The following SECISBP2L variants were observed in gnomAD, a reference collection of about 807,000 sequenced individuals.
SECISBP2L encodes SECIS binding protein 2 like.
In SECISBP2L, 43 loss-of-function variants were observed where a neutral mutation model predicts 114.7. That is an observed-to-expected ratio of 0.38 (90% CI 0.29 to 0.48). The LOEUF is 0.48. Ranked by LOEUF, SECISBP2L falls within the 20% of genes least tolerant of loss-of-function variation. The pLI is 0.98. For missense variants in SECISBP2L, 1,136 were observed against 1,301.1 expected (o/e 0.87, Z 1.95); for synonymous variants, 451 against 439.7 (o/e 1.03, Z -0.32).
Position 49,016,628 on chromosome 15 carries a change from G to A in SECISBP2L, c.1493C>T (p.Ala498Val). ...VQLDLGDMLA[A>V]LEKQQQAMKA... is the part of the protein sequence containing the mutation. ...CATTGCTTGCTGTTGTTTTTCCAGAGCAGCTAACATGTCCCCTAAATCTAG... is the reference window on the plus strand; with the variant it reads ...CATTGCTTGCTGTTGTTTTTCCAGAACAGCTAACATGTCCCCTAAATCTAG... Residue 498 changes from alanine (A) to valine (V), a missense_variant, in exon 11 of 18, where the codon GCT (alanine) becomes GTT (valine). Transcript: ENST00000559471. The A allele has an allele frequency of 1.9e-6, 3 of 1,610,392 alleles. No homozygotes were observed. The highest frequency in any genetic ancestry group is 2.2e-5 in the East Asian group (1 of 44,720).
chr15:48,993,732 C>CA (rs1199828142), intron 17 of SECISBP2L, among the ~76,000 whole-genome samples: 2 of 150,686 alleles, frequency 1.3e-5, no homozygotes, highest in Admixed American at 1.3e-4. Flanking sequence ...TTTTGGAGGA[C>CA]AAAAAAAGTA....
In SECISBP2L at chr15:48,989,751, C is replaced by T. The variant is rs1213257440; in HGVS notation, c.*2493G>A. ...TTTTTTATTTCTTGTGATGATGAAC[C>T]AACCCTTACTCTTCCCACTGGATCT... On this transcript the variant is annotated 3_prime_UTR_variant, in exon 18 of 18. Coordinates refer to ENST00000559471, the MANE Select transcript of SECISBP2L (RefSeq NM_001193489.2). The T allele has an allele frequency of 6.6e-6, 1 of 152,088 alleles. No homozygotes were observed. Among genetic ancestry groups the T allele is most frequent in the Admixed American group, 6.5e-5 (1 of 15,268 alleles). 9.4% of individuals were successfully genotyped at this position (152,088 alleles called of 1,614,324 possible). A position where few individuals can be genotyped will look rare whatever the true frequency, so the allele number is the denominator to read the frequency against.
chr15:48,994,963 GT>G, intron 17 of SECISBP2L, among the ~76,000 whole-genome samples: 1 of 150,592 alleles, frequency 6.6e-6, no homozygotes, highest in African/African-American at 2.4e-5. Context: ...CATTTCAACA[GT>G]TTTTTTTTCT....
chr15:49,037,906 G>C (rs1903046650), intron 1 of SECISBP2L, 137 bp from the exon 2 acceptor site: 2 of 542,760 alleles, frequency 3.7e-6, no homozygotes, highest in Admixed American at 7.6e-5. Flanking sequence ...CATCCAAAAG[G>C]AAGAGCAATG....
At position 49,046,405 on chromosome 15, in the gene SECISBP2L, C is replaced by CGACCCCAA; in HGVS notation, c.-107_-106insTTGGGGTC. Reference sequence around the variant, plus strand: ...GTCCAGACTGGGTTCCGGACCTCCGCCCCTATCTGGCTGGCCGCGACACCG... The same window carrying CGACCCCAA: ...GTCCAGACTGGGTTCCGGACCTCCGCGACCCCAACCCTATCTGGCTGGCCGCGACACCG... On this transcript the variant is annotated 5_prime_UTR_variant, in exon 1 of 18. Coordinates refer to ENST00000559471, the MANE Select transcript of SECISBP2L (RefSeq NM_001193489.2). 1 of 1,245,256 alleles carries CGACCCCAA rather than the reference C, an allele frequency of 8.0e-7. No homozygotes were observed. Among genetic ancestry groups the CGACCCCAA allele is most frequent in the Non-Finnish European group, 1.1e-6 (1 of 946,106 alleles). The allele number at this position is 1,245,256 out of a possible 1,614,324, so 77.1% of individuals were successfully genotyped here. A position where few individuals can be genotyped will look rare whatever the true frequency, so the allele number is the denominator to read the frequency against.
chr15:49,034,768 G>A (rs940033938), intron 3 of SECISBP2L, among the ~76,000 whole-genome samples: 1 of 150,500 alleles, frequency 6.6e-6, no homozygotes, highest in Admixed American at 6.6e-5. Flanking sequence ...GGGCTCAAGC[G>A]ATCTTCCCAC....
chr15:49,015,435 C>T (rs747692334), intron 11 of SECISBP2L, among the ~76,000 whole-genome samples: 7 of 152,184 alleles, frequency 4.6e-5, no homozygotes, highest in East Asian at 1.9e-4. Context: ...TAGGTTTAAA[C>T]GTTTTGCACA....
At chr15:48,995,817 C>G (rs1413933168) in intron 17 of SECISBP2L, 1 of 152,564 alleles carries the variant, frequency 6.6e-6, no homozygotes, top group Admixed American at 6.5e-5. Context: ...AAACAGCATG[C>G]TAGGTTTTAT....
At chr15:49,027,608 T>C (rs1174526308) in intron 6 of SECISBP2L, 128 bp from the exon 7 acceptor site, 3 of 373,292 alleles carry the variant, frequency 8.0e-6, no homozygotes, top group African/African-American at 2.2e-5. Flanking sequence ...ATAAACCTTA[T>C]TATTTTTTTT....
intron 14 of SECISBP2L, among the ~76,000 whole-genome samples, chr15:49,003,080 G>A (rs944023859): frequency 2.6e-5 from 4 of 152,186 alleles, no homozygotes; most frequent in Admixed American, 6.5e-5. Context: ...TCCTATCCGT[G>A]AGCATGGAAT....
chr15:49,019,418 C>A lies in SECISBP2L; in HGVS notation c.1170G>T (p.Glu390Asp). The change falls in exon 8 of 18, where the codon GAG becomes GAT. Residue 390 changes from glutamate to aspartate, a missense_variant and splice_region_variant. By Grantham distance (45) the Glu-to-Asp change is conservative. Around this residue, in one of 2 missense-constraint regions of SECISBP2L, gnomAD observed 684 missense variants for 848.7 expected, o/e 0.81. Coordinates refer to ENST00000559471, the MANE Select transcript of SECISBP2L (RefSeq NM_001193489.2). ...SDPNSESLYF[E>D]DEDGFQELNE... ...TACAAATAGAGTTTGAAAAAAATAC[C>A]TCAAAATATAAAGACTCAGAATTTG... 7.0e-7 allele frequency: 1 copy of A among 1,425,630 alleles called. No homozygotes were observed. The highest frequency in any genetic ancestry group is 1.5e-5 in the South Asian group (1 of 65,380). 88.3% of individuals were successfully genotyped at this position (1,425,630 alleles called of 1,614,324 possible).
Position 49,016,927 on chromosome 15 carries a change from T to C in SECISBP2L, c.1340A>G (p.Gln447Arg). Residue 447 changes from glutamine to arginine, a missense_variant, in exon 10 of 18, where the codon CAG (glutamine) becomes CGG (arginine). Coordinates refer to ENST00000559471, the MANE Select transcript of SECISBP2L (RefSeq NM_001193489.2). The stretch of plus-strand genomic sequence containing the variant: ...GGCTGCTGCTAAAGCTTTCTTCTTC[T>C]GACTTTTTGCACGTTTGGGAACTGA... Reference protein sequence around the residue: ...TTSVPKRAKSQKKKALAAALA... With the variant: ...TTSVPKRAKSRKKKALAAALA... 6.2e-7 allele frequency: 1 copy of C among 1,614,118 alleles called. No homozygotes were observed. Among genetic ancestry groups the C allele is most frequent in the Non-Finnish European group, 8.5e-7 (1 of 1,179,974 alleles).
chr15:49,012,762 G>C lies in SECISBP2L; in HGVS notation c.1617C>G (p.Thr539=). ...TKDSTNRKPL[T]KSQPCLTSFN... ...AGGATGTCAAACAGGGCTGACTTTT[G>C]GTTAAAGGTTTTCTATTAGTAGAGT... Residue 539 remains threonine (T), a synonymous_variant, in exon 12 of 18, where the codon ACC becomes ACG. Transcript: ENST00000559471. 1 of 1,606,768 alleles carries C rather than the reference G, an allele frequency of 6.2e-7. No homozygotes were observed. Among genetic ancestry groups the C allele is most frequent in the Non-Finnish European group, 8.5e-7 (1 of 1,175,832 alleles).
In SECISBP2L at chr15:49,019,509, CT is replaced by C; in HGVS notation, c.1078del (p.Arg360AspfsTer13). The C allele has an allele frequency of 6.6e-7, 1 of 1,517,714 alleles. No homozygotes were observed. Among genetic ancestry groups the C allele is most frequent in the South Asian group, 1.2e-5 (1 of 81,006 alleles). 94.0% of individuals were successfully genotyped at this position (1,517,714 alleles called of 1,614,324 possible). A position where few individuals can be genotyped will look rare whatever the true frequency, so the allele number is the denominator to read the frequency against. ...ATCTGGTCTCTTTTGCAAATTCTGT[CT>C]TCTTTCTGAGGAAGTACTGTGTCCT... ...CRGHSTSSER[R>X]QNLQKRPDNK... On this transcript the variant is annotated frameshift_variant, in exon 8 of 18. Coordinates refer to ENST00000559471, the MANE Select transcript of SECISBP2L (RefSeq NM_001193489.2). LOFTEE classifies it high-confidence loss of function.
In SECISBP2L at chr15:48,989,726, T is replaced by A. The variant is rs1418414811; in HGVS notation, c.*2518A>T. Reference sequence around the variant, plus strand: ...CACATTAAGAGAAAAAATCACTATGTTTTTTATTTCTTGTGATGATGAACC... The same window carrying A: ...CACATTAAGAGAAAAAATCACTATGATTTTTATTTCTTGTGATGATGAACC... On this transcript the variant is annotated 3_prime_UTR_variant, in exon 18 of 18. Coordinates refer to ENST00000559471, the MANE Select transcript of SECISBP2L (RefSeq NM_001193489.2). 1.3e-5 allele frequency: 2 copies of A among 152,178 alleles called. No homozygotes were observed. The highest frequency in any genetic ancestry group is 2.9e-5 in the Non-Finnish European group (2 of 68,036). 9.4% of individuals were successfully genotyped at this position (152,178 alleles called of 1,614,324 possible). A position where few individuals can be genotyped will look rare whatever the true frequency, so the allele number is the denominator to read the frequency against.
At chr15:49,022,981 G>A (rs966962485) in intron 7 of SECISBP2L, among the ~76,000 whole-genome samples, 24 of 151,832 alleles carry the variant, frequency 1.6e-4, no homozygotes, top group Non-Finnish European at 5.9e-5. Flanking sequence ...CTTTAGAGCA[G>A]GGGCAAAGCT....
chr15:49,023,579 G>GAC (rs1902684852), intron 7 of SECISBP2L, among the ~76,000 whole-genome samples: 1 of 152,188 alleles, frequency 6.6e-6, no homozygotes, highest in Non-Finnish European at 1.5e-5. Flanking sequence ...ATTTCTAAAT[G>GAC]ACACAGCAGC....
chr15:49,010,249 C>T (rs1172362521), intron 13 of SECISBP2L, among the ~76,000 whole-genome samples: 1 of 151,470 alleles, frequency 6.6e-6, no homozygotes, highest in Non-Finnish European at 1.5e-5. Context: ...TAAAACTTCC[C>T]ATTATTGCTG....
chr15:49,012,590 A>G, intron 12 of SECISBP2L, 58 bp downstream of exon 12: 1 of 1,567,774 alleles, frequency 6.4e-7, no homozygotes, highest in Non-Finnish European at 8.7e-7. Flanking sequence ...CTTTTACAAA[A>G]CAGATTAAAA....
Sources: allele counts gnomAD v4.1 joint callset (sites outside exome capture counted in the v4.1 genomes callset), GRCh38; gene constraint gnomAD v4.1.1; regional missense constraint gnomAD v4.1.1; transcripts MANE v1.5; gene names NCBI Gene and HGNC (gene_info 2026-07-23, HGNC 2026-07-21).